CD86: variants seen among roughly 807,000 people sequenced by gnomAD.
CD86 encodes the protein CD86 molecule.
A neutral mutation model predicts 32.1 loss-of-function variants in CD86; 11 were observed. That is an observed-to-expected ratio of 0.34 (90% CI 0.22 to 0.57). CD86 has a LOEUF of 0.57. Among genes scored for constraint, CD86 ranks in the 20% least tolerant of loss-of-function variants. The probability of loss-of-function intolerance (pLI) is 0.86; values close to 1 mark genes in which losing one functional copy is unlikely to be tolerated. For missense variants in CD86, 359 were observed against 398.4 expected (o/e 0.90, Z 0.84); for synonymous variants, 137 against 135.3 (o/e 1.01, Z -0.09).
chr3:122,089,577 T>C (rs2072780127), intron 1 of CD86, among the ~76,000 whole-genome samples: 1 of 152,236 alleles, frequency 6.6e-6, no homozygotes, highest in African/African-American at 2.4e-5. Context: ...AGAAAACATG[T>C]TGGCAAAAGG....
At chr3:122,076,013 A>G (rs1379208995) in intron 1 of CD86, among the ~76,000 whole-genome samples, 2 of 152,134 alleles carry the variant, frequency 1.3e-5, no homozygotes, top group African/African-American at 4.8e-5. Context: ...TGCCCCAAGA[A>G]CACACAGGCA....
intron 1 of CD86, among the ~76,000 whole-genome samples, chr3:122,091,181 G>A (rs1318904275): frequency 6.6e-6 from 1 of 152,164 alleles, no homozygotes; most frequent in Non-Finnish European, 1.5e-5. Context: ...TGGGAGAGGT[G>A]TAAAGAGAGC....
Position 122,091,631 on chromosome 3 carries a change from G to A in CD86, c.45G>A (p.Val15=). The change falls in exon 2 of 7, where the codon GTG becomes GTA. Residue 15 remains valine, a synonymous_variant. Transcript: ENST00000330540. ...TGGGACTGAGTAACATTCTCTTTGT[G>A]ATGGCCTTCCTGCTCTCTGGTAAGA... ...CTMGLSNILF[V]MAFLLSGAAP... The A allele has an allele frequency of 6.2e-7, 1 of 1,613,180 alleles. No homozygotes were observed. The highest frequency in any genetic ancestry group is 8.5e-7 in the Non-Finnish European group (1 of 1,179,320).
chr3:122,059,430 G>A (rs1230821483), intron 1 of CD86, among the ~76,000 whole-genome samples: 1 of 152,054 alleles, frequency 6.6e-6, no homozygotes, highest in Non-Finnish European at 1.5e-5. Context: ...CAGCTACTTG[G>A]GAGACTGAGG....
At chr3:122,076,457 A>C (rs771374214) in intron 1 of CD86, among the ~76,000 whole-genome samples, 16 of 152,190 alleles carry the variant, frequency 1.1e-4, no homozygotes, top group Non-Finnish European at 1.8e-4. Flanking sequence ...ACAACAGCAA[A>C]ATCTGTGATT....
chr3:122,057,953 A>T (rs1365133462), intron 1 of CD86, among the ~76,000 whole-genome samples: 1 of 152,210 alleles, frequency 6.6e-6, no homozygotes, highest in South Asian at 2.1e-4. Context: ...GGGTTTGAAT[A>T]CCAGTTCCCC....
At chr3:122,064,168 T>G (rs75937181) in intron 1 of CD86, among the ~76,000 whole-genome samples, 10,528 of 151,812 alleles carry the variant, frequency 0.069, 428 homozygotes, top group Middle Eastern at 0.13. Flanking sequence ...TGACACAGGG[T>G]TGACAAAGCA....
intron 1 of CD86, among the ~76,000 whole-genome samples, chr3:122,071,815 T>C (rs2072492829): frequency 6.6e-6 from 1 of 151,706 alleles, no homozygotes; most frequent in African/African-American, 2.4e-5. Context: ...CATGTTGGTG[T>C]GCTGCACCCA....
chr3:122,073,952 T>C (rs944419393), intron 1 of CD86, among the ~76,000 whole-genome samples: 2 of 152,076 alleles, frequency 1.3e-5, no homozygotes, highest in Non-Finnish European at 2.9e-5. Flanking sequence ...CATGCAGGAG[T>C]CTCCTTCCTT....
At chr3:122,109,229 T>C (rs1223939373) in intron 4 of CD86, 36 bp from the exon 5 acceptor site, 3 of 1,597,530 alleles carry the variant, frequency 1.9e-6, no homozygotes, top group Non-Finnish European at 2.6e-6. Context: ...TGTAAATGAC[T>C]CTCCTGGCTG....
chr3:122,101,513 A>AATATATATATATATATATATATAT (rs58001956), intron 2 of CD86, among the ~76,000 whole-genome samples: 3 of 46,342 alleles, frequency 6.5e-5, no homozygotes, highest in Admixed American at 2.8e-4. Flanking sequence ...AAAAAAAAAA[A>AATATATATATATATATATATATAT]ATATATATAT....
chr3:122,087,072 A>G (rs2681405), intron 1 of CD86, among the ~76,000 whole-genome samples: 145,424 of 152,268 alleles, frequency 0.96, 69,799 homozygotes, highest in East Asian at 1. Flanking sequence ...AGCAGTAATA[A>G]TATGATTAAT....
In CD86 at chr3:122,120,359, A is replaced by C. The variant is rs1163564075; in HGVS notation, c.*825A>C. The C allele has an allele frequency of 6.6e-6, 1 of 152,284 alleles. No homozygotes were observed. Among genetic ancestry groups the C allele is most frequent in the Non-Finnish European group, 1.5e-5 (1 of 68,096 alleles). The allele number at this position is 152,284 out of a possible 1,614,324, so 9.4% of individuals were successfully genotyped here. A position where few individuals can be genotyped will look rare whatever the true frequency, so the allele number is the denominator to read the frequency against. On this transcript the variant is annotated 3_prime_UTR_variant, in exon 7 of 7. Coordinates refer to ENST00000330540, the MANE Select transcript of CD86 (RefSeq NM_175862.5). ...ACTGACTAGTGAGATGGCCTGGGGA[A>C]GCTGTGAAAGAACCAAAAGAGATCA... is the stretch of plus-strand genomic sequence containing the variant.
At chr3:122,079,526 A>AT (rs2072601157) in intron 1 of CD86, among the ~76,000 whole-genome samples, 1 of 152,142 alleles carries the variant, frequency 6.6e-6, no homozygotes, top group Non-Finnish European at 1.5e-5. Flanking sequence ...GTCCCTGGGC[A>AT]TTTTTCCACA....
chr3:122,075,912 A>G (rs1041041653), intron 1 of CD86, among the ~76,000 whole-genome samples: 1 of 152,196 alleles, frequency 6.6e-6, no homozygotes, highest in African/African-American at 2.4e-5. Context: ...AGCACCATAT[A>G]TATGCCATGT....
intron 1 of CD86, among the ~76,000 whole-genome samples, chr3:122,076,116 T>C (rs750374796): frequency 8.5e-5 from 13 of 152,234 alleles, no homozygotes; most frequent in Non-Finnish European, 1.9e-4. Flanking sequence ...TGGAAAATGA[T>C]ACTGCTTTCT....
chr3:122,069,013 A>C (rs2107505456), intron 1 of CD86, among the ~76,000 whole-genome samples: 1 of 152,310 alleles, frequency 6.6e-6, no homozygotes, highest in Non-Finnish European at 1.5e-5. Context: ...CTTAGTTGTA[A>C]CCTACACAAC....
intron 1 of CD86, among the ~76,000 whole-genome samples, chr3:122,084,302 C>T (rs6780894): frequency 0.15 from 22,359 of 152,152 alleles, 1,842 homozygotes; most frequent in African/African-American, 0.21. Flanking sequence ...TATATTCTTA[C>T]TGGACAGTGC....
chr3:122,066,443 C>G (rs1358728281), intron 1 of CD86, among the ~76,000 whole-genome samples: 1 of 152,198 alleles, frequency 6.6e-6, no homozygotes, highest in Non-Finnish European at 1.5e-5. Context: ...AGCATTCTAA[C>G]AGCAGTCACA....
Sources: gnomAD v4.1 joint callset for allele counts (sites outside exome capture counted in the v4.1 genomes callset) on GRCh38, gnomAD v4.1.1 for gene constraint, MANE v1.5 for transcripts, NCBI Gene and HGNC (gene_info 2026-07-23, HGNC 2026-07-21) for gene names.